The following CAST variants were observed in gnomAD, a reference collection of about 807,000 sequenced individuals.
The protein encoded by CAST is MIR583 host.
Under a neutral mutation model 119.6 loss-of-function variants are expected in CAST, and 76 were observed. The ratio of observed to expected loss-of-function variants is 0.64; its 90% confidence interval spans 0.53 to 0.77. The LOEUF (loss-of-function observed/expected upper bound fraction) is 0.77. Ranked by LOEUF, CAST falls within the 30% of genes least tolerant of loss-of-function variation. The pLI is 0.00. For missense variants in CAST, 953 were observed against 946.5 expected, an observed-to-expected ratio of 1.01 and a Z score of -0.09; for synonymous variants, 319 against 331.6, an observed-to-expected ratio of 0.96 and a Z score of 0.41.
the CAST span, among the ~76,000 whole-genome samples, chr5:96,422,825 T>C: frequency 6.6e-6 from 1 of 152,240 alleles, no homozygotes; most frequent in African/African-American, 2.4e-5. Context: ...TTTTCCCATT[T>C]CTAGAAAACT....
chr5:96,558,763 AAT>A (rs1287712224), intron 1 of CAST, among the ~76,000 whole-genome samples: 1 of 152,220 alleles, frequency 6.6e-6, no homozygotes, highest in Non-Finnish European at 1.5e-5. Flanking sequence ...TTCACAGCCG[AAT>A]TCTACCAGAG....
chr5:96,179,602 A>G, the CAST span, among the ~76,000 whole-genome samples: 1 of 152,252 alleles, frequency 6.6e-6, no homozygotes, highest in Non-Finnish European at 1.5e-5. Context: ...AGACAAAGTG[A>G]CACAGAGAAG....
intron 1 of CAST, among the ~76,000 whole-genome samples, chr5:96,625,787 G>C (rs1747708159): frequency 6.6e-6 from 1 of 152,190 alleles, no homozygotes; most frequent in African/African-American, 2.4e-5. Context: ...TGCAGTTTTT[G>C]TGCTGAGGTC....
chr5:96,408,685 G>T, the CAST span, among the ~76,000 whole-genome samples: 15 of 152,308 alleles, frequency 9.8e-5, no homozygotes, highest in Admixed American at 9.2e-4. Context: ...CATTGTGTTT[G>T]GTCTGGCATA....
At chr5:96,241,054 AT>A in the CAST span, among the ~76,000 whole-genome samples, 4 of 151,902 alleles carry the variant, frequency 2.6e-5, no homozygotes, top group Admixed American at 6.6e-5. Context: ...ATCTGGAAGA[AT>A]TTTTTTTAAA....
the CAST span, among the ~76,000 whole-genome samples, chr5:96,387,267 G>A: frequency 6.6e-6 from 1 of 152,154 alleles, no homozygotes; most frequent in Non-Finnish European, 1.5e-5. Context: ...TACAGCAACT[G>A]ATTGAGAAAA....
chr5:96,093,762 A>T, the CAST span, among the ~76,000 whole-genome samples: 2 of 152,218 alleles, frequency 1.3e-5, no homozygotes, highest in Non-Finnish European at 2.9e-5. Flanking sequence ...ATAAGTACAG[A>T]TAGAAAAGAA....
the CAST span, among the ~76,000 whole-genome samples, chr5:96,174,913 C>T: frequency 2.5e-4 from 38 of 152,172 alleles, no homozygotes; most frequent in Non-Finnish European, 4.6e-4. Context: ...CTTTCCTCCT[C>T]AATCTTTTTG....
chr5:96,118,946 T>C, the CAST span, among the ~76,000 whole-genome samples: 2 of 152,102 alleles, frequency 1.3e-5, no homozygotes, highest in East Asian at 3.9e-4. Context: ...CCACACTCCC[T>C]TTGTGGTACT....
chr5:96,720,532 G>A (rs1193274672), intron 3 of CAST, among the ~76,000 whole-genome samples: 3 of 152,202 alleles, frequency 2.0e-5, no homozygotes, highest in Non-Finnish European at 4.4e-5. Context: ...TCATATTTCA[G>A]TTTTAAAATG....
chr5:96,163,454 A>G, the CAST span, among the ~76,000 whole-genome samples: 47,089 of 152,118 alleles, frequency 0.31, 7,532 homozygotes, highest in Middle Eastern at 0.38. Context: ...ATTGCAGTTA[A>G]TACCATAATA....
At chr5:96,513,767 G>T in the CAST span, among the ~76,000 whole-genome samples, 1 of 152,126 alleles carries the variant, frequency 6.6e-6, no homozygotes, top group African/African-American at 2.4e-5. Flanking sequence ...TGTTTCCTAG[G>T]GTTGCCATAA....
chr5:96,607,243 G>T (rs565018266), intron 1 of CAST, among the ~76,000 whole-genome samples: 2 of 152,118 alleles, frequency 1.3e-5, no homozygotes, highest in Admixed American at 6.5e-5. Flanking sequence ...AGCCGAGATC[G>T]CACCACTGCA....
chr5:96,425,048 GAAA>G, the CAST span, among the ~76,000 whole-genome samples: 3 of 123,974 alleles, frequency 2.4e-5, no homozygotes, highest in Admixed American at 8.7e-5. Context: ...AAGAAAGAAA[GAAA>G]GAAAGAAAGA....
chr5:96,454,261 A>G, the CAST span, among the ~76,000 whole-genome samples: 9 of 152,220 alleles, frequency 5.9e-5, no homozygotes, highest in African/African-American at 2.2e-4. Context: ...CATCAGACCC[A>G]TACTACAGAC....
chr5:96,031,684 A>T, the CAST span, among the ~76,000 whole-genome samples: 1 of 152,168 alleles, frequency 6.6e-6, no homozygotes, highest in African/African-American at 2.4e-5. Context: ...GGTCTATATC[A>T]ATGTAAATAA....
the CAST span, among the ~76,000 whole-genome samples, chr5:96,317,048 A>G: frequency 6.6e-6 from 1 of 152,192 alleles, no homozygotes; most frequent in African/African-American, 2.4e-5. Context: ...CCTCTGTATA[A>G]AAGATACTAG....
the CAST span, among the ~76,000 whole-genome samples, chr5:95,996,498 T>G: frequency 6.6e-6 from 1 of 152,230 alleles, no homozygotes; most frequent in Non-Finnish European, 1.5e-5. Flanking sequence ...TAGAAGCTTG[T>G]GTGTGTTTGT....
the CAST span, among the ~76,000 whole-genome samples, chr5:96,495,852 T>A: frequency 0.011 from 1,619 of 152,322 alleles, 31 homozygotes; most frequent in African/African-American, 0.037. Context: ...GAAAATTAAT[T>A]AAAATAATTG....
Sources: gnomAD v4.1 joint callset for allele counts (sites outside exome capture counted in the v4.1 genomes callset) on GRCh38, gnomAD v4.1.1 for gene constraint, MANE v1.5 for transcripts, NCBI Gene and HGNC (gene_info 2026-07-23, HGNC 2026-07-21) for gene names.